The following DDX60 variants were observed in gnomAD, a reference collection of about 807,000 sequenced individuals.
DDX60 encodes the protein probable ATP-dependent RNA helicase DDX60.
A neutral mutation model predicts 212.8 loss-of-function variants in DDX60; 165 were observed. The ratio of observed to expected loss-of-function variants is 0.78; its 90% CI spans 0.68 to 0.88. The LOEUF (loss-of-function observed/expected upper bound fraction) is 0.88, where lower values mean the gene tolerates loss of function less well. Ranked by LOEUF, DDX60 falls within the 40% of genes least tolerant of loss-of-function variation. The pLI, the probability that DDX60 is intolerant of heterozygous loss-of-function variation, is 0.00. For missense variants in DDX60, 1,905 were observed against 2,003.9 expected (o/e 0.95, Z 0.94); for synonymous variants, 703 against 685.3 (o/e 1.03, Z -0.40).
chr4:168,257,457 G>A (rs1734460578), intron 25 of DDX60, among the ~76,000 whole-genome samples: 1 of 152,168 alleles, frequency 6.6e-6, no homozygotes, highest in Non-Finnish European at 1.5e-5. Context: ...CAGATTCAGT[G>A]ACCTGCCCAA....
At chr4:168,234,994 A>G (rs1733582026) in intron 33 of DDX60, among the ~76,000 whole-genome samples, 1 of 152,052 alleles carries the variant, frequency 6.6e-6, no homozygotes, top group Non-Finnish European at 1.5e-5. Context: ...AATCTAAAAG[A>G]CTGCTAAAGA....
chr4:168,251,163 G>C (rs1163677416), intron 27 of DDX60, 57 bp from the exon 28 acceptor site: 5 of 1,487,000 alleles, frequency 3.4e-6, no homozygotes, highest in Non-Finnish European at 3.6e-6. Context: ...AATTAAAAAT[G>C]TCTAAATGAA....
intron 6 of DDX60, among the ~76,000 whole-genome samples, chr4:168,300,663 AAAC>A (rs1169887407): frequency 6.6e-6 from 1 of 152,078 alleles, no homozygotes. Context: ...ACGTAATTAA[AAAC>A]AACCAGGAAA....
intron 30 of DDX60, among the ~76,000 whole-genome samples, chr4:168,244,151 G>A (rs761840563): frequency 4.6e-5 from 7 of 152,116 alleles, no homozygotes; most frequent in Non-Finnish European, 1.0e-4. Context: ...TGCATGCTAC[G>A]CTTAACACTT....
At chr4:168,249,540 C>T (rs12509350) in intron 28 of DDX60, among the ~76,000 whole-genome samples, 1 of 151,914 alleles carries the variant, frequency 6.6e-6, no homozygotes, top group Non-Finnish European at 1.5e-5. Flanking sequence ...GAATAAATAC[C>T]TTTTTAAAAA....
intron 8 of DDX60, among the ~76,000 whole-genome samples, chr4:168,288,566 C>G (rs2149532607): frequency 6.6e-6 from 1 of 152,326 alleles, no homozygotes; most frequent in East Asian, 1.9e-4. Context: ...CTGCATTTGA[C>G]TCTTAAAATA....
rs1487962921 is a variant in DDX60, at chr4:168,264,550, CTAG to C, written c.3040-1766_3040-1764del. Among the ~76,000 whole-genome samples, 21 of 142,192 alleles carry C rather than the reference CTAG, an allele frequency of 1.5e-4. 2 individuals carry two copies. The highest frequency in any genetic ancestry group is 6.1e-4 in the East Asian group (3 of 4,914). The allele number at this position is 142,192 out of a possible 152,430, so 93.3% of individuals were successfully genotyped here. ...TAAATCTTCTGTTTTTGGTTGCTAG[CTAG>C]AATGCTTATGATTTCTTAAGTCTCT... is the stretch of plus-strand genomic sequence containing the variant. On this transcript the variant is annotated intron_variant, in intron 22 of 37. Transcript: ENST00000393743.
At chr4:168,259,605 T>G (rs1239142655) in intron 25 of DDX60, among the ~76,000 whole-genome samples, 1 of 151,652 alleles carries the variant, frequency 6.6e-6, no homozygotes, top group Non-Finnish European at 1.5e-5. Flanking sequence ...TTACTTCAGC[T>G]TCCATGGCTT....
rs660435 is a variant in DDX60, at chr4:168,268,221, T to C, written c.2787-238A>G. Among the ~76,000 whole-genome samples, 869 of 152,026 alleles carry C rather than the reference T, an allele frequency of 5.7e-3. 10 individuals are homozygous for C. The highest frequency in any genetic ancestry group is 0.02 in the African/African-American group (825 of 41,468). On this transcript the variant is annotated intron_variant, in intron 20 of 37. Coordinates refer to ENST00000393743, the MANE Select transcript of DDX60 (RefSeq NM_017631.6). ...CACATTTTAAAATGGAAATATGGTA[T>C]TCATATTGGAACTGTGACTATTTAA...
At chr4:168,220,609 T>G (rs1343898710) in intron 37 of DDX60, 46 bp downstream of exon 37, 2 of 1,096,570 alleles carry the variant, frequency 1.8e-6, no homozygotes, top group African/African-American at 1.6e-5. Context: ...AAATTATAAA[T>G]AAATTATTAA....
chr4:168,276,495 A>G (rs924843374), intron 14 of DDX60, among the ~76,000 whole-genome samples: 2 of 152,238 alleles, frequency 1.3e-5, no homozygotes, highest in African/African-American at 4.8e-5. Context: ...TTATTTTCAT[A>G]TGTGCTCTAC....
chr4:168,259,102 C>T (rs1001197897), intron 25 of DDX60, among the ~76,000 whole-genome samples: 2 of 152,158 alleles, frequency 1.3e-5, no homozygotes, highest in Non-Finnish European at 2.9e-5. Flanking sequence ...CTTATGGAGC[C>T]TTCTGCACCA....
intron 33 of DDX60, among the ~76,000 whole-genome samples, chr4:168,234,402 T>A (rs564650141): frequency 4.4e-4 from 67 of 152,216 alleles, no homozygotes; most frequent in African/African-American, 1.5e-3. Flanking sequence ...TAATTTTTTT[T>A]AATCTCTGTG....
At chr4:168,308,962 G>C (rs936679496) in intron 3 of DDX60, among the ~76,000 whole-genome samples, 1 of 152,042 alleles carries the variant, frequency 6.6e-6, no homozygotes, top group African/African-American at 2.4e-5. Context: ...TATTGTAAAA[G>C]TTAAAAATTA....
At chr4:168,288,117 T>C in intron 9 of DDX60, 57 bp downstream of exon 9, 3 of 1,159,352 alleles carry the variant, frequency 2.6e-6, no homozygotes, top group East Asian at 2.8e-5. Context: ...TAGTTTTAAA[T>C]TCCTTATAAA....
chr4:168,321,454 C>T (rs558245944), upstream of DDX60, among the ~76,000 whole-genome samples: 1 of 152,168 alleles, frequency 6.6e-6, no homozygotes, highest in Non-Finnish European at 1.5e-5. Flanking sequence ...AGGGGAATGA[C>T]CCAGTTAGGA....
upstream of DDX60, among the ~76,000 whole-genome samples, chr4:168,322,208 G>A (rs932420748): frequency 6.6e-6 from 1 of 152,138 alleles, no homozygotes; most frequent in African/African-American, 2.4e-5. Context: ...CTTCTAAAGT[G>A]CCTCTTCTCC....
intron 6 of DDX60, among the ~76,000 whole-genome samples, chr4:168,296,639 G>A (rs374254569): frequency 3.3e-5 from 5 of 151,884 alleles, no homozygotes; most frequent in East Asian, 1.9e-4. Flanking sequence ...GGATTAAATC[G>A]AATTAAAGTA....
chr4:168,310,260 C>T (rs1737071144), intron 3 of DDX60, among the ~76,000 whole-genome samples: 1 of 152,032 alleles, frequency 6.6e-6, no homozygotes, highest in South Asian at 2.1e-4. Flanking sequence ...TCATAAGAAC[C>T]TTTAAGGCTC....
Sources: gnomAD v4.1 joint callset for allele counts (sites outside exome capture counted in the v4.1 genomes callset) on GRCh38, gnomAD v4.1.1 for gene constraint, MANE v1.5 for transcripts, NCBI Gene and HGNC (gene_info 2026-07-23, HGNC 2026-07-21) for gene names.